Variants in AFF2 observed in about 807,000 individuals in gnomAD.
The protein encoded by AFF2 is AF4/FMR2 family member 2.
Under a neutral mutation model 76.9 loss-of-function variants are expected in AFF2, and 14 were observed. The ratio of observed to expected loss-of-function variants is 0.18; its 90% CI spans 0.12 to 0.28. AFF2 has a LOEUF of 0.28. AFF2 is among the 10% of genes least tolerant of loss of function. AFF2 has a pLI of 1.00. For missense variants in AFF2, 868 were observed against 1,001.1 expected (o/e 0.87, Z 1.79); for synonymous variants, 398 against 366.7 (o/e 1.09, Z -0.98).
At chrX:148,791,999 C>T (rs1460681735) in intron 3 of AFF2, among the ~76,000 whole-genome samples, 1 of 110,660 alleles carries the variant, frequency 9.0e-6, no homozygotes, top group African/African-American at 3.3e-5. Flanking sequence ...TTTATATATA[C>T]ATATAAATAT....
At chrX:148,681,665 AGAAAGAAAGAAAG>A (rs1232492398) in intron 3 of AFF2, among the ~76,000 whole-genome samples, 5 of 108,915 alleles carry the variant, frequency 4.6e-5, no homozygotes, top group Non-Finnish European at 7.6e-5. Flanking sequence ...AGAAAGAAAG[AGAAAGAAAGAAAG>A]GAAAGAAAGA....
chrX:148,631,388 C>T (rs1440354488), intron 1 of AFF2, among the ~76,000 whole-genome samples: 3 of 106,090 alleles, frequency 2.8e-5, no homozygotes, highest in South Asian at 4.4e-4. Flanking sequence ...TAAATATATA[C>T]GACTGTCAAG....
At chrX:148,658,356 G>T (rs530426166) in intron 2 of AFF2, among the ~76,000 whole-genome samples, 1 of 111,941 alleles carries the variant, frequency 8.9e-6, no homozygotes, top group Admixed American at 9.5e-5. Context: ...CCTGTCACAC[G>T]TCCTTCCTTC....
chrX:148,634,620 C>T (rs1332359072), intron 1 of AFF2, among the ~76,000 whole-genome samples: 1 of 112,086 alleles, frequency 8.9e-6, no homozygotes, highest in Non-Finnish European at 1.9e-5. Flanking sequence ...CTCTCTCAAA[C>T]ATCTAGTGTC....
chrX:148,800,738 T>C (rs2070046890), intron 3 of AFF2, among the ~76,000 whole-genome samples: 1 of 111,928 alleles, frequency 8.9e-6, no homozygotes, highest in African/African-American at 3.2e-5. Context: ...GAAGTCCTTG[T>C]ATCTTAGACA....
intron 3 of AFF2, among the ~76,000 whole-genome samples, chrX:148,702,580 G>T (rs1169742756): frequency 1.8e-5 from 2 of 111,790 alleles, no homozygotes; most frequent in African/African-American, 6.5e-5. Context: ...AGTGCTGTCA[G>T]GAGTGTCCCA....
intron 3 of AFF2, among the ~76,000 whole-genome samples, chrX:148,797,902 A>G (rs977761934): frequency 8.9e-6 from 1 of 112,351 alleles, no homozygotes; most frequent in Admixed American, 9.4e-5. Flanking sequence ...ATATCTGCTA[A>G]CATGCACTGT....
At chrX:148,742,777 T>C (rs982322283) in intron 3 of AFF2, among the ~76,000 whole-genome samples, 12 of 112,051 alleles carry the variant, frequency 1.1e-4, no homozygotes, top group African/African-American at 3.9e-4. Flanking sequence ...CAGTGGGTTA[T>C]GTTCTCTATT....
intron 1 of AFF2, among the ~76,000 whole-genome samples, chrX:148,546,072 G>A (rs2052917677): frequency 1.8e-5 from 2 of 111,917 alleles, no homozygotes; most frequent in African/African-American, 6.5e-5. Context: ...TAATTATATT[G>A]CTGTACATAA....
chrX:148,985,550 A>C (rs782084523), intron 19 of AFF2, among the ~76,000 whole-genome samples: 2 of 109,847 alleles, frequency 1.8e-5, no homozygotes, highest in Admixed American at 2.0e-4. Context: ...TTCTTGCCAT[A>C]AATTGACATT....
At chrX:148,751,833 A>G (rs958172777) in intron 3 of AFF2, among the ~76,000 whole-genome samples, 7 of 112,073 alleles carry the variant, frequency 6.2e-5, no homozygotes, top group Non-Finnish European at 1.1e-4. Context: ...GCTTATTTCA[A>G]CTGGGGTTGC....
rs781881128 is a variant in AFF2, at chrX:148,620,526, AAT to A, written c.48-31458_48-31457del. On this transcript the variant is annotated intron_variant, in intron 1 of 20. Coordinates refer to ENST00000370460, the MANE Select transcript of AFF2 (RefSeq NM_002025.4). ...CATTATGCCCTGGGTTCAATTAAAAAATATATATATATATATTGTTCTTCTAG... is the reference window on the plus strand; with the variant it reads ...CATTATGCCCTGGGTTCAATTAAAAAATATATATATATATTGTTCTTCTAG... Among the ~76,000 whole-genome samples, 271 of 107,963 alleles carry A rather than the reference AAT, an allele frequency of 2.5e-3. 2 individuals are homozygous for A. The highest frequency in any genetic ancestry group is 8.5e-3 in the African/African-American group (255 of 29,898). The allele number at this position is 107,963 out of a possible 115,157, so 93.8% of individuals were successfully genotyped here. A position where few individuals can be genotyped will look rare whatever the true frequency, so the allele number is the denominator to read the frequency against.
intron 3 of AFF2, among the ~76,000 whole-genome samples, chrX:148,743,158 G>A (rs1286127979): frequency 8.9e-6 from 1 of 111,747 alleles, no homozygotes; most frequent in Admixed American, 9.5e-5. Flanking sequence ...TAAAGTTTTT[G>A]TGATACTATT....
Position 148,501,025 on chromosome X carries a change from A to G in AFF2, c.-73A>G, listed in dbSNP as rs1390183637. 2 of 1,151,411 alleles carry G rather than the reference A, an allele frequency of 1.7e-6. No individual in the cohort carries two copies. Among genetic ancestry groups the G allele is most frequent in the Non-Finnish European group, 2.3e-6 (2 of 859,113 alleles). 94.9% of individuals were successfully genotyped at this position (1,151,411 alleles called of 1,213,427 possible). On this transcript the variant is annotated 5_prime_UTR_variant, in exon 1 of 21. Transcript: ENST00000370460. ...CGGGGGCCGCCGAGAACCGCCAGCG[A>G]GCTGTGCCGAGAGCCGCGCCGACCC...
intron 1 of AFF2, among the ~76,000 whole-genome samples, chrX:148,647,814 A>T (rs1439727634): frequency 9.0e-6 from 1 of 111,019 alleles, no homozygotes; most frequent in African/African-American, 3.3e-5. Context: ...AAATGAGGGC[A>T]CTGCAACTAG....
chrX:148,511,796 T>A (rs1557233161), intron 1 of AFF2, among the ~76,000 whole-genome samples: 1 of 112,718 alleles, frequency 8.9e-6, no homozygotes, highest in East Asian at 2.8e-4. Context: ...AAAGACCACA[T>A]CCCTTCTGCT....
chrX:148,952,926 T>C lies in AFF2; in HGVS notation c.1398-654T>C, dbSNP rs935811211. ...AATTGAGGACCAACTCTAGTCACTT[T>C]GGGGCTGAGCGCCAGGCCCTCAGCA... is the stretch of plus-strand genomic sequence containing the variant. On this transcript the variant is annotated intron_variant, in intron 9 of 20. Transcript: ENST00000370460. 2.7e-5 allele frequency among the ~76,000 whole-genome samples: 3 copies of C among 111,196 alleles called. No individual in the cohort carries two copies. The Admixed American group carries it at 2.9e-4, about 11-fold the overall frequency.
chrX:148,865,719 G>T (rs1360264862), intron 7 of AFF2, among the ~76,000 whole-genome samples: 1 of 111,417 alleles, frequency 9.0e-6, no homozygotes, highest in Non-Finnish European at 1.9e-5. Flanking sequence ...AGAGGCGTGG[G>T]TCTCCCATGG....
Position 148,662,462 on chromosome X carries a change from C to A in AFF2, c.735C>A (p.Ala245=), listed in dbSNP as rs782663982. The A allele has an allele frequency of 1.8e-5, 22 of 1,210,112 alleles. No individual in the cohort carries two copies. The highest frequency in any genetic ancestry group is 2.2e-5 in the Non-Finnish European group (20 of 895,213). The change falls in exon 3 of 21, where the codon GCC becomes GCA. Residue 245 remains alanine (A), a synonymous_variant. Transcript: ENST00000370460. The part of the protein sequence containing the change: ...QSNSPEESEF[A]VQAPGSPLVA... ...ATTCACCGGAAGAATCTGAATTCGC[C>A]GTGCAAGCGCCTGGGTCTCCCCTAG... is the stretch of plus-strand genomic sequence containing the variant.
Sources: gnomAD v4.1 joint callset for allele counts (sites outside exome capture counted in the v4.1 genomes callset) on GRCh38, gnomAD v4.1.1 for gene constraint, MANE v1.5 for transcripts, NCBI Gene and HGNC (gene_info 2026-07-23, HGNC 2026-07-21) for gene names.